Variants in SGCD observed in about 807,000 individuals in gnomAD.
The protein encoded by SGCD is delta-sarcoglycan.
A neutral mutation model predicts 36.6 loss-of-function variants in SGCD; 18 were observed. The ratio of observed to expected loss-of-function variants is 0.49; its 90% CI spans 0.34 to 0.73. The LOEUF (loss-of-function observed/expected upper bound fraction) is 0.73. SGCD is among the 30% of genes least tolerant of loss of function. The probability of loss-of-function intolerance (pLI) is 0.01; values close to 1 mark genes in which losing one functional copy is unlikely to be tolerated. For missense variants in SGCD, 387 were observed against 346.7 expected (o/e 1.12, Z -0.92); for synonymous variants, 133 against 130.6 (o/e 1.02, Z -0.12).
At chr5:156,722,862 A>G (rs1755577643) in intron 7 of SGCD, among the ~76,000 whole-genome samples, 1 of 152,212 alleles carries the variant, frequency 6.6e-6, no homozygotes, top group Non-Finnish European at 1.5e-5. Context: ...ACACAAGACA[A>G]CACACATCCT....
chr5:156,258,631 C>G lies in SGCD; in HGVS notation c.-43-70903C>G, dbSNP rs796731691. On this transcript the variant is annotated intron_variant, in intron 3 of 9. Coordinates refer to the SGCD transcript ENST00000517913. ...CTTCATATACTTCAACACACAAAAA[C>G]AGGAGAGTGAACACAGAGAAAGATA... Among the ~76,000 whole-genome samples the G allele has an allele frequency of 2.0e-5, 3 of 152,188 alleles. 1 individual carries two copies. The highest frequency in any genetic ancestry group is 7.2e-5 in the African/African-American group (3 of 41,552).
intron 3 of SGCD, among the ~76,000 whole-genome samples, chr5:156,508,067 T>A (rs1756781484): frequency 6.6e-6 from 1 of 152,184 alleles, no homozygotes; most frequent in African/African-American, 2.4e-5. Flanking sequence ...TACATATGTG[T>A]TTGCTATCTG....
At chr5:156,492,671 C>T (rs1171481970) in intron 3 of SGCD, among the ~76,000 whole-genome samples, 2 of 152,112 alleles carry the variant, frequency 1.3e-5, no homozygotes, top group East Asian at 1.9e-4. Flanking sequence ...CCCATCAACC[C>T]GTCATCTACA....
chr5:156,391,718 C>T (rs900764648), intron 3 of SGCD, among the ~76,000 whole-genome samples: 2 of 152,138 alleles, frequency 1.3e-5, no homozygotes, highest in Admixed American at 1.3e-4. Context: ...GCAGGGGGTC[C>T]TGAAACCAAT....
intron 6 of SGCD, among the ~76,000 whole-genome samples, chr5:156,624,574 CTG>C (rs1762375356): frequency 6.6e-6 from 1 of 152,124 alleles, no homozygotes; most frequent in Admixed American, 6.5e-5. Context: ...GAACAAGACT[CTG>C]TCTCAAAAAA....
intron 3 of SGCD, among the ~76,000 whole-genome samples, chr5:156,152,199 C>T (rs1316057659): frequency 1.3e-5 from 2 of 151,326 alleles, no homozygotes; most frequent in African/African-American, 2.4e-5. Context: ...GCTGGTTAAC[C>T]TTTTTCTTTG....
At chr5:156,562,208 G>T (rs1759291902) in intron 4 of SGCD, among the ~76,000 whole-genome samples, 1 of 152,154 alleles carries the variant, frequency 6.6e-6, no homozygotes, top group South Asian at 2.1e-4. Context: ...TATGTAATAT[G>T]CAAAGATAGT....
At chr5:156,416,448 C>T (rs7727771) in intron 3 of SGCD, among the ~76,000 whole-genome samples, 71,174 of 151,962 alleles carry the variant, frequency 0.47, 16,850 homozygotes, top group Middle Eastern at 0.6. Flanking sequence ...ACCAAAATCT[C>T]AGATAGCACC....
At chr5:155,980,333 C>A (rs1021902232) in intron 1 of SGCD, among the ~76,000 whole-genome samples, 1 of 151,894 alleles carries the variant, frequency 6.6e-6, no homozygotes, top group African/African-American at 2.4e-5. Flanking sequence ...CGCCTATAAT[C>A]CCAGCACTTT....
intron 4 of SGCD, among the ~76,000 whole-genome samples, chr5:156,560,746 G>T (rs1408004881): frequency 1.3e-5 from 2 of 152,122 alleles, no homozygotes; most frequent in Non-Finnish European, 2.9e-5. Context: ...TGGTAAAATG[G>T]TTACGAACAG....
chr5:156,116,814 A>G (rs901123994), intron 1 of SGCD, among the ~76,000 whole-genome samples: 1 of 152,186 alleles, frequency 6.6e-6, no homozygotes, highest in African/African-American at 2.4e-5. Flanking sequence ...TACAAGCTGA[A>G]CAGTGCTGGC....
intron 1 of SGCD, among the ~76,000 whole-genome samples, chr5:155,965,469 T>C (rs1194297328): frequency 6.6e-6 from 1 of 152,128 alleles, no homozygotes; most frequent in Non-Finnish European, 1.5e-5. Flanking sequence ...ACTTTAATTC[T>C]TTGCATTACT....
intron 3 of SGCD, among the ~76,000 whole-genome samples, chr5:156,302,836 A>C (rs1410479945): frequency 1.3e-5 from 2 of 152,102 alleles, no homozygotes; most frequent in Non-Finnish European, 2.9e-5. Flanking sequence ...CTCTCTTTTC[A>C]TGATGAGCTT....
chr5:156,030,920 G>C (rs888008041), intron 1 of SGCD, among the ~76,000 whole-genome samples: 2 of 152,204 alleles, frequency 1.3e-5, no homozygotes, highest in Non-Finnish European at 2.9e-5. Context: ...TTGTACTAGG[G>C]CATGTTTTTG....
At chr5:156,598,221 C>A (rs1258269928) in intron 6 of SGCD, among the ~76,000 whole-genome samples, 1 of 152,052 alleles carries the variant, frequency 6.6e-6, no homozygotes, top group East Asian at 1.9e-4. Flanking sequence ...TGGAGGGAAA[C>A]CCAGAGACTT....
At chr5:156,386,053 T>C (rs1369862097) in intron 3 of SGCD, among the ~76,000 whole-genome samples, 3 of 152,222 alleles carry the variant, frequency 2.0e-5, no homozygotes, top group African/African-American at 7.2e-5. Flanking sequence ...CAGTGTTTCT[T>C]ATTTTGTTAG....
At chr5:155,974,106 C>T (rs555309625) in intron 1 of SGCD, among the ~76,000 whole-genome samples, 17 of 152,158 alleles carry the variant, frequency 1.1e-4, no homozygotes, top group African/African-American at 1.7e-4. Flanking sequence ...CTCAATCTTT[C>T]GTGATTTAAA....
intron 1 of SGCD, among the ~76,000 whole-genome samples, chr5:155,871,187 C>T (rs1755649029): frequency 6.6e-6 from 1 of 152,146 alleles, no homozygotes; most frequent in African/African-American, 2.4e-5. Flanking sequence ...GTGATATAAC[C>T]TCCTTGATAT....
At chr5:156,610,883 C>T (rs556840574) in intron 6 of SGCD, among the ~76,000 whole-genome samples, 66 of 152,380 alleles carry the variant, frequency 4.3e-4, no homozygotes, top group Admixed American at 3.3e-3. Context: ...TTGCTAAGAC[C>T]GTTGGGAAAG....
Sources: allele counts gnomAD v4.1 joint callset (sites outside exome capture counted in the v4.1 genomes callset), GRCh38; gene constraint gnomAD v4.1.1; transcripts MANE v1.5; gene names NCBI Gene and HGNC (gene_info 2026-07-23, HGNC 2026-07-21).